Variants in LPAR5 observed in about 807,000 individuals in gnomAD.
LPAR5 encodes lysophosphatidic acid receptor 5.
For missense variants in LPAR5, 544 were observed against 521.8 expected, an observed-to-expected ratio of 1.04 and a Z score of -0.41; for synonymous variants, 271 against 261.6, an observed-to-expected ratio of 1.04 and a Z score of -0.35.
intron 1 of LPAR5, among the ~76,000 whole-genome samples, chr12:6,623,961 GACAAGCAA>G (rs1431532874): frequency 1.3e-5 from 2 of 152,000 alleles, no homozygotes; most frequent in Non-Finnish European, 2.9e-5. Context: ...CTCCATGTCA[GACAAGCAA>G]ACAAGCAAAC....
At chr12:6,626,536 A>C (rs1948941425) in intron 1 of LPAR5, among the ~76,000 whole-genome samples, 1 of 152,252 alleles carries the variant, frequency 6.6e-6, no homozygotes, top group Non-Finnish European at 1.5e-5. Context: ...GCAAAATACC[A>C]GTCTCAACAA....
chr12:6,634,364 C>G (rs1297698954), intron 1 of LPAR5, among the ~76,000 whole-genome samples: 1 of 151,940 alleles, frequency 6.6e-6, no homozygotes, highest in African/African-American at 2.4e-5. Context: ...CCTGTAATCC[C>G]AGCACTTTGG....
At chr12:6,627,287 G>T (rs1466469640) in intron 1 of LPAR5, among the ~76,000 whole-genome samples, 1 of 151,602 alleles carries the variant, frequency 6.6e-6, no homozygotes, top group African/African-American at 2.4e-5. Flanking sequence ...GTGAGACTCC[G>T]TCTAAATAAA....
Position 6,619,924 on chromosome 12 carries a change from T to C in LPAR5, c.*206A>G, listed in dbSNP as rs926009413. On this transcript the variant is annotated 3_prime_UTR_variant, in exon 2 of 2. Transcript: ENST00000329858. ...ACCGCTGGAGAAGGGGTGCTCTGCGTGCTCACAGTTTAAAGAAGCCATTTC... is the reference window on the plus strand; with the variant it reads ...ACCGCTGGAGAAGGGGTGCTCTGCGCGCTCACAGTTTAAAGAAGCCATTTC... The C allele has an allele frequency of 4.0e-6, 3 of 751,966 alleles. No individual in the cohort carries two copies. The African/African-American group carries it at 5.2e-5, about 13-fold the overall frequency. 46.6% of individuals were successfully genotyped at this position (751,966 alleles called of 1,614,324 possible).
intron 1 of LPAR5, among the ~76,000 whole-genome samples, chr12:6,622,747 AAAAAT>A (rs1205140174): frequency 2.0e-5 from 3 of 151,704 alleles, no homozygotes; most frequent in South Asian, 2.1e-4. Flanking sequence ...TGTCTCAAAA[AAAAAT>A]AAAATAAAAA....
chr12:6,634,747 G>A (rs1313808700), intron 1 of LPAR5, among the ~76,000 whole-genome samples: 1 of 150,658 alleles, frequency 6.6e-6, no homozygotes, highest in African/African-American at 2.4e-5. Flanking sequence ...AGTGAGCCAT[G>A]TTCATGCCAC....
chr12:6,620,958 C>G lies in LPAR5; in HGVS notation c.291G>C (p.Thr97=), dbSNP rs545855278. The change falls in exon 2 of 2, where the codon ACG becomes ACC. Residue 97 remains threonine, a synonymous_variant. Transcript: ENST00000329858. This position sits in a 1 kb window ranked among gnomAD's most constrained non-coding sequence, Gnocchi z 6.8. ...WPFPDLLCQT[T]GAIFQMNMYG... ...ACATGTTCATCTGGAAGATGGCGCC[C>G]GTCGTCTGGCACAGGAGGTCGGGGA... 365 of 1,612,660 alleles carry G rather than the reference C, an allele frequency of 2.3e-4. 3 individuals carry two copies. The South Asian group carries it at 3.8e-3, about 17-fold the overall frequency.
chr12:6,629,589 G>A lies in LPAR5; in HGVS notation c.-217+6318C>T, dbSNP rs551256557. On this transcript the variant is annotated intron_variant, in intron 1 of 1. Coordinates refer to ENST00000329858, the MANE Select transcript of LPAR5 (RefSeq NM_020400.6). ...CTCGGGAGGCTGAGGCAGGAGAATCGCTTGAACCCGGGAGGCAGAGGTTGC... is the reference window on the plus strand; with the variant it reads ...CTCGGGAGGCTGAGGCAGGAGAATCACTTGAACCCGGGAGGCAGAGGTTGC... Among the ~76,000 whole-genome samples, 34 of 145,064 alleles carry A rather than the reference G, an allele frequency of 2.3e-4. 1 individual carries two copies. In the South Asian group the frequency reaches 7.2e-3, roughly 31 times the overall value.
At chr12:6,628,943 T>G (rs1352126429) in intron 1 of LPAR5, among the ~76,000 whole-genome samples, 1 of 151,516 alleles carries the variant, frequency 6.6e-6, no homozygotes, top group Non-Finnish European at 1.5e-5. Flanking sequence ...AATTTCTGTA[T>G]TTTTAGTAGA....
rs1948884478 is a variant in LPAR5, at chr12:6,620,606, A to C, written c.643T>G (p.Phe215Val). Residue 215 changes from phenylalanine (F) to valine (V), a missense_variant, in exon 2 of 2, where the codon TTC (phenylalanine) becomes GTC (valine). Physicochemically the swap from Phe to Val is conservative, Grantham distance 50 (BLOSUM62 -1). Coordinates refer to ENST00000329858, the MANE Select transcript of LPAR5 (RefSeq NM_020400.6). The surrounding 1 kb of genome is among the most constrained non-coding windows in gnomAD (Gnocchi z 6.8). ...GCGTCGGGGCGCGCCAGCGTCCAGA[A>C]GACTCGGCCCGACGAGTAGACCACC... ...AAVVYSSGRV[F>V]WTLARPDATQ... 6.4e-7 allele frequency: 1 copy of C among 1,551,772 alleles called. No homozygotes were observed. The highest frequency in any genetic ancestry group is 1.2e-5 in the South Asian group (1 of 84,552).
intron 1 of LPAR5, among the ~76,000 whole-genome samples, chr12:6,622,894 A>ACC (rs1330830439): frequency 6.6e-6 from 1 of 152,096 alleles, no homozygotes; most frequent in Admixed American, 6.6e-5. Context: ...CCTCAAGCCC[A>ACC]CCACTGCACT....
chr12:6,622,946 A>T (rs1307962106), intron 1 of LPAR5, among the ~76,000 whole-genome samples: 1 of 151,102 alleles, frequency 6.6e-6, no homozygotes, highest in African/African-American at 2.4e-5. Flanking sequence ...AAAAAGAAAG[A>T]AAGAGGGCCA....
In LPAR5 at chr12:6,623,279, A is replaced by C. The variant is rs1377020623; in HGVS notation, c.-216-1815T>G. On this transcript the variant is annotated intron_variant, in intron 1 of 1. Transcript: ENST00000329858. ...GGCTGCATGGTACCTCATGCCTGTGATCTCAGCACTTTGGGAGGCTGATGT... is the reference window on the plus strand; with the variant it reads ...GGCTGCATGGTACCTCATGCCTGTGCTCTCAGCACTTTGGGAGGCTGATGT... Among the ~76,000 whole-genome samples the C allele has an allele frequency of 2.0e-5, 3 of 150,600 alleles. No individual in the cohort carries two copies. The East Asian group carries it at 5.9e-4, about 29-fold the overall frequency.
intron 1 of LPAR5, among the ~76,000 whole-genome samples, chr12:6,632,996 T>C (rs547854041): frequency 6.6e-6 from 1 of 152,298 alleles, no homozygotes; most frequent in East Asian, 1.9e-4. Context: ...AAGCCTGTCT[T>C]TTCCTGCATT....
At position 6,620,429 on chromosome 12, in the gene LPAR5, G is replaced by T; in HGVS notation, c.820C>A (p.Arg274Ser). ...ATCACCATCAGCACCCCGCGCACGC[G>T]ATCGCGGGCAGGCACGCTGGCCGCC... ...LVAASVPARD[R>S]VRGVLMVMVL... is the part of the protein sequence containing the mutation. The change falls in exon 2 of 2, where the codon CGC (arginine) becomes AGC (serine). Residue 274 changes from arginine to serine, a missense_variant. Physicochemically the swap from Arg to Ser is moderately radical, Grantham distance 110. Transcript: ENST00000329858. This position sits in a 1 kb window ranked among gnomAD's most constrained non-coding sequence, Gnocchi z 6.8. The T allele has an allele frequency of 6.2e-7, 1 of 1,605,544 alleles. No homozygotes were observed. Among genetic ancestry groups the T allele is most frequent in the Admixed American group, 1.7e-5 (1 of 59,052 alleles).
intron 1 of LPAR5, among the ~76,000 whole-genome samples, chr12:6,630,638 A>G (rs1350463315): frequency 1.3e-5 from 2 of 151,566 alleles, no homozygotes; most frequent in Non-Finnish European, 2.9e-5. Flanking sequence ...TTTTTAGTAG[A>G]GACAGGTTTC....
intron 1 of LPAR5, among the ~76,000 whole-genome samples, chr12:6,628,778 A>G (rs1948963135): frequency 6.6e-6 from 1 of 151,504 alleles, no homozygotes; most frequent in Non-Finnish European, 1.5e-5. Flanking sequence ...GATTACAGGC[A>G]TGTGCCACCA....
rs1190462249 is a variant in LPAR5, at chr12:6,625,517, C to T, written c.-216-4053G>A. On this transcript the variant is annotated intron_variant, in intron 1 of 1. Coordinates refer to ENST00000329858, the MANE Select transcript of LPAR5 (RefSeq NM_020400.6). ...CGGGCGGATCACAAGGTGAGGAGAT[C>T]GAGACCATCCTGGCTAACATGGTGA... is the stretch of plus-strand genomic sequence containing the variant. Among the ~76,000 whole-genome samples, 43 of 146,494 alleles carry T rather than the reference C, an allele frequency of 2.9e-4. 1 individual carries two copies. Among genetic ancestry groups the T allele is most frequent in the Admixed American group, 3.5e-4 (5 of 14,460 alleles).
At position 6,620,072 on chromosome 12, in the gene LPAR5, G is replaced by T; in HGVS notation, c.*58C>A. On this transcript the variant is annotated 3_prime_UTR_variant, in exon 2 of 2. Coordinates refer to ENST00000329858, the MANE Select transcript of LPAR5 (RefSeq NM_020400.6). This position sits in a 1 kb window ranked among gnomAD's most constrained non-coding sequence, Gnocchi z 6.8. ...ACCTTCTTGTGTGTACACCCTGTAA[G>T]CCTCCCAGAACGAGAGGCGTTGGGA... 6.2e-7 allele frequency: 1 copy of T among 1,603,478 alleles called. No individual in the cohort carries two copies. The highest frequency in any genetic ancestry group is 2.3e-5 in the East Asian group (1 of 44,436).
Sources: allele counts gnomAD v4.1 joint callset (sites outside exome capture counted in the v4.1 genomes callset), GRCh38; gene constraint gnomAD v4.1.1; non-coding constraint Gnocchi (gnomAD v3.1); transcripts MANE v1.5; gene names NCBI Gene and HGNC (gene_info 2026-07-23, HGNC 2026-07-21).